DPF3: variants seen among roughly 807,000 people sequenced by gnomAD.
DPF3 encodes the protein zinc finger protein DPF3.
Under a neutral mutation model 56.8 loss-of-function variants are expected in DPF3, and 18 were observed. The observed-to-expected ratio is 0.32, with a 90% CI of 0.22 to 0.47. DPF3 has a LOEUF of 0.47. DPF3 is among the 20% of genes least tolerant of loss of function. The probability of loss-of-function intolerance (pLI) is 1.00; values close to 1 mark genes in which losing one functional copy is unlikely to be tolerated. For synonymous variants in DPF3, 188 were observed against 180.2 expected, an observed-to-expected ratio of 1.04 and a Z score of -0.35; for missense variants, 403 against 488.8, an observed-to-expected ratio of 0.82 and a Z score of 1.65.
intron 1 of DPF3, among the ~76,000 whole-genome samples, chr14:72,810,994 G>A (rs539770601): frequency 7.7e-4 from 117 of 152,308 alleles, no homozygotes; most frequent in African/African-American, 2.5e-3. Context: ...CCACGGTGCC[G>A]GCATCTGCTT....
Position 72,681,732 on chromosome 14 carries a change from G to A in DPF3, c.743-7364C>T, listed in dbSNP as rs146338271. Among the ~76,000 whole-genome samples the A allele has an allele frequency of 4.2e-3, 636 of 152,262 alleles. 3 individuals carry two copies. Among genetic ancestry groups the A allele is most frequent in the Admixed American group, 8.7e-3 (133 of 15,300 alleles). On this transcript the variant is annotated intron_variant, in intron 7 of 10. Transcript: ENST00000556509. ...TCTCCATCCTGAGATGGATATATTTGGTGAGAGTTGTAATTTGCGGTTTGC... is the reference window on the plus strand; with the variant it reads ...TCTCCATCCTGAGATGGATATATTTAGTGAGAGTTGTAATTTGCGGTTTGC...
intron 6 of DPF3, among the ~76,000 whole-genome samples, chr14:72,704,464 C>A (rs1211187669): frequency 6.6e-6 from 1 of 152,120 alleles, no homozygotes; most frequent in Admixed American, 6.5e-5. Flanking sequence ...GACATCAGTG[C>A]GGCCTCAAAT....
At chr14:72,750,701 T>G (rs1890530030) in intron 3 of DPF3, among the ~76,000 whole-genome samples, 1 of 139,226 alleles carries the variant, frequency 7.2e-6, no homozygotes, top group African/African-American at 2.7e-5. Context: ...AAGTGCAAAA[T>G]CCAAAGTGGT....
At chr14:72,713,625 A>G (rs1888753923) in intron 6 of DPF3, among the ~76,000 whole-genome samples, 1 of 152,146 alleles carries the variant, frequency 6.6e-6, no homozygotes, top group African/African-American at 2.4e-5. Context: ...TGTGGTGGTG[A>G]GGGCTGCCCT....
At chr14:72,661,063 CT>C in intron 8 of DPF3, 1 of 985,466 alleles carries the variant, frequency 1.0e-6, no homozygotes, top group Non-Finnish European at 1.2e-6. Flanking sequence ...TGGAAACAGA[CT>C]TTTTATTTAA....
chr14:72,727,491 G>A (rs542547587), intron 4 of DPF3, among the ~76,000 whole-genome samples: 6 of 151,550 alleles, frequency 4.0e-5, no homozygotes, highest in South Asian at 2.1e-4. Context: ...CAGGAGAATC[G>A]TTTGAACCTG....
intron 5 of DPF3, among the ~76,000 whole-genome samples, chr14:72,718,521 C>T (rs888858897): frequency 2.6e-5 from 4 of 152,160 alleles, no homozygotes; most frequent in Non-Finnish European, 4.4e-5. Context: ...TGACACGTGA[C>T]GATGCTGTCA....
At chr14:72,709,083 T>C (rs1888542504) in intron 6 of DPF3, among the ~76,000 whole-genome samples, 1 of 152,198 alleles carries the variant, frequency 6.6e-6, no homozygotes, top group African/African-American at 2.4e-5. Flanking sequence ...CAAGAGACTT[T>C]AGAACGGGAA....
At chr14:72,699,768 A>C (rs1888080951) in intron 6 of DPF3, among the ~76,000 whole-genome samples, 1 of 152,236 alleles carries the variant, frequency 6.6e-6, no homozygotes, top group Admixed American at 6.5e-5. Flanking sequence ...AGGCAGAGCC[A>C]CAGTAATAAA....
At chr14:72,837,219 G>A (rs933440899) in intron 1 of DPF3, among the ~76,000 whole-genome samples, 3 of 152,118 alleles carry the variant, frequency 2.0e-5, no homozygotes, top group South Asian at 2.1e-4. Context: ...GAGGGTGGGG[G>A]AAAGGTTTAC....
At chr14:72,716,827 C>T (rs1320639937) in intron 5 of DPF3, among the ~76,000 whole-genome samples, 1 of 152,172 alleles carries the variant, frequency 6.6e-6, no homozygotes, top group African/African-American at 2.4e-5. Flanking sequence ...CTAGGCTTTG[C>T]ATTTCCTTTC....
chr14:72,622,057 C>G (rs575019408), intron 9 of DPF3, among the ~76,000 whole-genome samples: 1 of 152,282 alleles, frequency 6.6e-6, no homozygotes, highest in East Asian at 1.9e-4. Flanking sequence ...AGAGGAAGCC[C>G]AGAATGTGTG....
chr14:72,881,843 C>A (rs1886338667), intron 1 of DPF3, among the ~76,000 whole-genome samples: 1 of 151,948 alleles, frequency 6.6e-6, no homozygotes, highest in Non-Finnish European at 1.5e-5. Context: ...GCTGTGATGG[C>A]AAATTGAACA....
At chr14:72,795,411 A>C (rs984320442) in intron 1 of DPF3, among the ~76,000 whole-genome samples, 3 of 151,738 alleles carry the variant, frequency 2.0e-5, no homozygotes, top group Admixed American at 2.0e-4. Flanking sequence ...AAGCTATTCA[A>C]GACCAGAAGC....
intron 1 of DPF3, among the ~76,000 whole-genome samples, chr14:72,774,113 C>T (rs949554164): frequency 9.9e-5 from 15 of 151,712 alleles, no homozygotes; most frequent in Admixed American, 3.9e-4. Context: ...GGTGACACCC[C>T]GTCTCTACTA....
intron 1 of DPF3, among the ~76,000 whole-genome samples, chr14:72,879,648 C>T (rs910874407): frequency 3.9e-5 from 6 of 152,028 alleles, no homozygotes; most frequent in African/African-American, 1.2e-4. Flanking sequence ...ACAATCAAAC[C>T]GCCTGCCCAG....
chr14:72,771,696 C>T lies in DPF3; in HGVS notation c.193+37G>A, dbSNP rs943633753. On this transcript the variant is annotated intron_variant, in intron 2 of 10. Transcript: ENST00000556509. ...GTCCTCCTCCCTCCAGGCTGGGAGC[C>T]TGCACATGCGCATGTCCCAGGAGTG... 2.1e-5 allele frequency: 34 copies of T among 1,587,722 alleles called. No individual in the cohort carries two copies. In the Admixed American group the frequency reaches 3.8e-4, roughly 18 times the overall value.
intron 1 of DPF3, among the ~76,000 whole-genome samples, chr14:72,808,407 G>C (rs34376466): frequency 0.029 from 4,363 of 152,260 alleles, 90 homozygotes; most frequent in Middle Eastern, 0.085. Context: ...AACTCAAATA[G>C]TAAGAGTCAC....
At chr14:72,757,014 A>C (rs1890866007) in intron 2 of DPF3, among the ~76,000 whole-genome samples, 2 of 131,742 alleles carry the variant, frequency 1.5e-5, no homozygotes, top group Admixed American at 1.5e-4. Flanking sequence ...AGAGGAGAGA[A>C]GAGGGGAAGA....
Sources: gnomAD v4.1 joint callset for allele counts (sites outside exome capture counted in the v4.1 genomes callset) on GRCh38, gnomAD v4.1.1 for gene constraint, MANE v1.5 for transcripts, NCBI Gene and HGNC (gene_info 2026-07-23, HGNC 2026-07-21) for gene names.